Variants in ANO6 observed in about 807,000 individuals in gnomAD.
The protein encoded by ANO6 is anoctamin-6.
ANO6 carries 106 observed loss-of-function variants against 117.5 expected under a neutral mutation model. The ratio of observed to expected loss-of-function variants is 0.90; its 90% CI spans 0.77 to 1.06. ANO6 has a LOEUF of 1.06. Among genes scored for constraint, ANO6 ranks in the 50% least tolerant of loss-of-function variants. The pLI is 0.00. For synonymous variants in ANO6, 367 were observed against 385.1 expected, an observed-to-expected ratio of 0.95 and a Z score of 0.55; for missense variants, 955 against 1,121.1, an observed-to-expected ratio of 0.85 and a Z score of 2.12.
intron 1 of ANO6, among the ~76,000 whole-genome samples, chr12:45,220,697 A>T (rs1194544037): frequency 6.6e-6 from 1 of 152,188 alleles, no homozygotes; most frequent in African/African-American, 2.4e-5. Context: ...TGGAATTTTC[A>T]AAGTGGTAAG....
intron 2 of ANO6, among the ~76,000 whole-genome samples, chr12:45,310,521 G>T (rs766041279): frequency 9.2e-5 from 14 of 152,072 alleles, no homozygotes; most frequent in Non-Finnish European, 1.8e-4. Flanking sequence ...GTTTAAGGAA[G>T]TCAGTTTAAC....
intron 12 of ANO6, among the ~76,000 whole-genome samples, chr12:45,401,569 C>T (rs1434594595): frequency 6.6e-6 from 1 of 152,132 alleles, no homozygotes; most frequent in Non-Finnish European, 1.5e-5. Flanking sequence ...CCCAGTTTCT[C>T]CTCTAGTTAA....
intron 14 of ANO6, 24 bp downstream of exon 14, chr12:45,403,265 C>G (rs777222417): frequency 1.6e-4 from 262 of 1,610,352 alleles, no homozygotes; most frequent in Non-Finnish European, 1.9e-4. Context: ...ATTGTATTAT[C>G]TTGCCAGTTT....
intron 2 of ANO6, among the ~76,000 whole-genome samples, chr12:45,307,161 C>A (rs1280453518): frequency 6.6e-6 from 1 of 152,078 alleles, no homozygotes; most frequent in African/African-American, 2.4e-5. Context: ...GGTAAACTGG[C>A]AGATTTTGAG....
intron 1 of ANO6, among the ~76,000 whole-genome samples, chr12:45,259,334 A>G (rs1937943680): frequency 6.6e-6 from 1 of 152,156 alleles, no homozygotes; most frequent in South Asian, 2.1e-4. Flanking sequence ...AATATTTTGC[A>G]TTTATGTGCT....
chr12:45,216,837 G>A (rs1382056430), intron 1 of ANO6, among the ~76,000 whole-genome samples: 1 of 152,184 alleles, frequency 6.6e-6, no homozygotes, highest in Admixed American at 6.5e-5. Flanking sequence ...CTGAATCCTC[G>A]TTAAAGTAAA....
intron 1 of ANO6, among the ~76,000 whole-genome samples, chr12:45,266,588 A>C (rs1277113862): frequency 6.6e-6 from 1 of 152,180 alleles, no homozygotes; most frequent in Non-Finnish European, 1.5e-5. Context: ...CACTAATAAA[A>C]TATATGAGGC....
chr12:45,330,335 AGAG>A (rs1460539407), intron 2 of ANO6, among the ~76,000 whole-genome samples: 2 of 152,166 alleles, frequency 1.3e-5, no homozygotes, highest in Non-Finnish European at 2.9e-5. Flanking sequence ...TCGATAATGA[AGAG>A]GAGAATTAAT....
At chr12:45,232,942 A>C (rs943283619) in intron 1 of ANO6, among the ~76,000 whole-genome samples, 2 of 152,136 alleles carry the variant, frequency 1.3e-5, no homozygotes, top group Admixed American at 6.5e-5. Flanking sequence ...TTTCCAAAGG[A>C]GGAAGAAAGA....
At chr12:45,395,282 C>G (rs1048244336) in intron 12 of ANO6, among the ~76,000 whole-genome samples, 28 of 152,310 alleles carry the variant, frequency 1.8e-4, no homozygotes, top group Admixed American at 1.2e-3. Flanking sequence ...CCTCCCAACA[C>G]TAAACCAGGA....
At chr12:45,304,330 G>A (rs1292091220) in intron 2 of ANO6, among the ~76,000 whole-genome samples, 1 of 152,192 alleles carries the variant, frequency 6.6e-6, no homozygotes, top group East Asian at 1.9e-4. Context: ...CCATTGTATA[G>A]GCAGGCAAAT....
exon 20 of ANO6, chr12:45,439,771 G>A (rs1246223475): frequency 3.9e-6 from 6 of 1,541,140 alleles, no homozygotes; most frequent in Non-Finnish European, 5.3e-6. Flanking sequence ...TTATAGGTTT[G>A]TCGATGAAAT....
chr12:45,292,667 T>A, intron 1 of ANO6: 1 of 1,238,408 alleles, frequency 8.1e-7, no homozygotes, highest in Non-Finnish European at 1.0e-6. Context: ...CTAGATGTAT[T>A]TTTAGAGCTG....
intron 1 of ANO6, among the ~76,000 whole-genome samples, chr12:45,278,292 C>T (rs140193032): frequency 5.0e-4 from 76 of 152,268 alleles, no homozygotes; most frequent in African/African-American, 1.7e-3. Flanking sequence ...AAGTGTCCTT[C>T]AGTTTGTTTT....
At chr12:45,364,367 A>C (rs1176969005) in intron 8 of ANO6, among the ~76,000 whole-genome samples, 1 of 152,182 alleles carries the variant, frequency 6.6e-6, no homozygotes, top group Non-Finnish European at 1.5e-5. Flanking sequence ...GGAAGTTTTC[A>C]GCCATTGATT....
intron 1 of ANO6, among the ~76,000 whole-genome samples, chr12:45,255,630 A>G (rs1483328886): frequency 6.6e-6 from 1 of 152,228 alleles, no homozygotes; most frequent in Non-Finnish European, 1.5e-5. Flanking sequence ...ATTTTTAAAC[A>G]AAACTTTTTG....
chr12:45,333,797 C>T (rs1342576723), intron 3 of ANO6, among the ~76,000 whole-genome samples: 1 of 151,980 alleles, frequency 6.6e-6, no homozygotes, highest in East Asian at 1.9e-4. Flanking sequence ...TTCCATTGTA[C>T]TCCTTGTCAG....
chr12:45,409,430 G>C lies in ANO6; in HGVS notation c.1954G>C (p.Asp652His). Residue 652 changes from aspartate to histidine, a missense_variant, in exon 16 of 20, where the codon GAC (aspartate) becomes CAC (histidine). Physicochemically the swap from Asp to His is moderately conservative, Grantham distance 81. Coordinates refer to ENST00000320560, the MANE Select transcript of ANO6 (RefSeq NM_001025356.3). ...SEKITPRWEQ[D>H]YHLQPMGKLG... ...AAAGATAACCCCACGATGGGAACAG[G>C]ACTACCATCTGCAGCCTATGGGCAA... 6.2e-7 allele frequency: 1 copy of C among 1,613,984 alleles called. No homozygotes were observed. The highest frequency in any genetic ancestry group is 8.5e-7 in the Non-Finnish European group (1 of 1,179,920).
intron 3 of ANO6, 22 bp from the exon 4 acceptor site, chr12:45,347,000 A>G (rs758322970): frequency 1.1e-5 from 17 of 1,603,266 alleles, no homozygotes; most frequent in Middle Eastern, 1.6e-4. Flanking sequence ...GGTCTAACAT[A>G]TATTCCAACT....
Sources: allele counts gnomAD v4.1 joint callset (sites outside exome capture counted in the v4.1 genomes callset), GRCh38; gene constraint gnomAD v4.1.1; transcripts MANE v1.5; gene names NCBI Gene and HGNC (gene_info 2026-07-23, HGNC 2026-07-21).